The following TRIO variants were observed in gnomAD, a reference collection of about 807,000 sequenced individuals.
The protein encoded by TRIO is triple functional domain protein.
A neutral mutation model predicts 351.9 loss-of-function variants in TRIO; 58 were observed. The observed-to-expected ratio is 0.16, with a 90% CI of 0.13 to 0.21. The LOEUF (loss-of-function observed/expected upper bound fraction) is 0.21, where lower values mean the gene tolerates loss of function less well. TRIO is among the 10% of genes least tolerant of loss of function. The pLI, the probability that TRIO is intolerant of heterozygous loss-of-function variation, is 1.00. For synonymous variants in TRIO, 1,758 were observed against 1,595.7 expected (o/e 1.10, Z -2.42); for missense variants, 3,201 against 4,027.8 (o/e 0.79, Z 5.56).
chr5:14,297,963 A>G (rs1737510301), intron 7 of TRIO, among the ~76,000 whole-genome samples: 1 of 151,918 alleles, frequency 6.6e-6, no homozygotes, highest in Non-Finnish European at 1.5e-5. Context: ...CCCCCAGCAC[A>G]TTTCCCCTCG....
At chr5:14,200,953 A>G (rs1791069279) in intron 1 of TRIO, among the ~76,000 whole-genome samples, 1 of 152,142 alleles carries the variant, frequency 6.6e-6, no homozygotes, top group Non-Finnish European at 1.5e-5. Context: ...AAAAAATAAC[A>G]GTACATAAAA....
intron 42 of TRIO, 146 bp from the exon 43 acceptor site, chr5:14,479,773 A>G: frequency 1.6e-6 from 1 of 612,706 alleles, no homozygotes; most frequent in Non-Finnish European, 2.7e-6. Flanking sequence ...AAATTCTGTG[A>G]ACTAGCAAAG....
chr5:14,279,951 G>C (rs543367747), intron 2 of TRIO, among the ~76,000 whole-genome samples: 6 of 152,310 alleles, frequency 3.9e-5, no homozygotes, highest in South Asian at 2.1e-4. Context: ...GGAAAAATGT[G>C]GGGGAGACTG....
intron 46 of TRIO, 55 bp downstream of exon 46, chr5:14,482,828 G>A (rs1209824939): frequency 9.4e-6 from 13 of 1,384,882 alleles, no homozygotes; most frequent in Non-Finnish European, 9.6e-6. Flanking sequence ...CCGTCACACC[G>A]ATACACTGTT....
chr5:14,291,336 C>T lies in TRIO; in HGVS notation c.1053+108C>T, dbSNP rs183346916. ...TGGAGAATGGTAAGGCTATACTCAC[C>T]GTGTGTGCTCTAAACCAGCGAGAGT... On this transcript the variant is annotated intron_variant, in intron 5 of 56. Coordinates refer to ENST00000344204, the MANE Select transcript of TRIO (RefSeq NM_007118.4). 106 of 1,173,784 alleles carry T rather than the reference C, an allele frequency of 9.0e-5. No individual in the cohort carries two copies. In the Middle Eastern group the frequency reaches 2.0e-3, roughly 23 times the overall value. The allele number at this position is 1,173,784 out of a possible 1,614,324, so 72.7% of individuals were successfully genotyped here. A position where few individuals can be genotyped will look rare whatever the true frequency, so the allele number is the denominator to read the frequency against.
At chr5:14,152,583 G>A (rs1373472994) in intron 1 of TRIO, among the ~76,000 whole-genome samples, 1 of 152,160 alleles carries the variant, frequency 6.6e-6, no homozygotes, top group African/African-American at 2.4e-5. Context: ...TCTTGGCCAG[G>A]CTGGTCTTGA....
Position 14,363,899 on chromosome 5 carries a change from G to A in TRIO, c.2559G>A (p.Leu853=). The change falls in exon 14 of 57, where the codon CTG becomes CTA. Residue 853 remains leucine, a synonymous_variant. Transcript: ENST00000344204. Reference sequence around the variant, plus strand: ...TCATCCACCAAGGGCAAGATCTTCTGCAGTATGTCAATGAGGTCCAGGCCT... The same window carrying A: ...TCATCCACCAAGGGCAAGATCTTCTACAGTATGTCAATGAGGTCCAGGCCT... ...FDVIHQGQDL[L]QYVNEVQASG... 6.2e-7 allele frequency: 1 copy of A among 1,614,164 alleles called. No homozygotes were observed. The highest frequency in any genetic ancestry group is 8.5e-7 in the Non-Finnish European group (1 of 1,180,028).
chr5:14,417,462 G>A (rs1749740599), intron 33 of TRIO, among the ~76,000 whole-genome samples: 1 of 152,252 alleles, frequency 6.6e-6, no homozygotes, highest in Non-Finnish European at 1.5e-5. Flanking sequence ...GAGGTCCTCA[G>A]CACAAGGGGG....
chr5:14,261,593 C>G (rs561614514), intron 1 of TRIO, among the ~76,000 whole-genome samples: 2 of 152,148 alleles, frequency 1.3e-5, no homozygotes, highest in Non-Finnish European at 1.5e-5. Flanking sequence ...TTCAGTGTCA[C>G]GTTAAATTCT....
intron 1 of TRIO, among the ~76,000 whole-genome samples, chr5:14,223,404 G>C (rs1792774632): frequency 6.6e-6 from 1 of 152,174 alleles, no homozygotes; most frequent in African/African-American, 2.4e-5. Context: ...TGCACTTTGA[G>C]AGCTCCTCCA....
intron 1 of TRIO, among the ~76,000 whole-genome samples, chr5:14,248,335 T>G (rs908594345): frequency 1.3e-5 from 2 of 152,238 alleles, no homozygotes; most frequent in Non-Finnish European, 2.9e-5. Flanking sequence ...TAGCATACCC[T>G]TCTGTTCAGA....
chr5:14,265,446 A>T (rs1021547559), intron 1 of TRIO, among the ~76,000 whole-genome samples: 20 of 152,360 alleles, frequency 1.3e-4, no homozygotes, highest in Non-Finnish European at 2.4e-4. Context: ...TACTTAAAAA[A>T]TTTTAAAATT....
chr5:14,445,902 A>G (rs1269976935), intron 34 of TRIO, among the ~76,000 whole-genome samples: 1 of 152,206 alleles, frequency 6.6e-6, no homozygotes, highest in Non-Finnish European at 1.5e-5. Context: ...TTAAAAAGAA[A>G]GACAGCACAG....
intron 1 of TRIO, among the ~76,000 whole-genome samples, chr5:14,259,862 T>C (rs1449860780): frequency 1.3e-5 from 2 of 152,166 alleles, no homozygotes; most frequent in Non-Finnish European, 2.9e-5. Context: ...CAAGGCTGTC[T>C]GGCCTCTGCA....
chr5:14,435,234 A>T (rs1751487559), intron 34 of TRIO, among the ~76,000 whole-genome samples: 1 of 152,160 alleles, frequency 6.6e-6, no homozygotes, highest in Non-Finnish European at 1.5e-5. Context: ...GGAAAGAAGG[A>T]TCCTCCACGA....
At chr5:14,407,583 C>T (rs764557432) in intron 33 of TRIO, among the ~76,000 whole-genome samples, 1 of 152,210 alleles carries the variant, frequency 6.6e-6, no homozygotes, top group Non-Finnish European at 1.5e-5. Context: ...CTGAGATGCC[C>T]TCTCATAACC....
At position 14,497,006 on chromosome 5, in the gene TRIO, G is replaced by A. The variant is rs759829470; in HGVS notation, c.8008G>A (p.Val2670Ile). ...GTCACGGGAAGGACTCAGCAACAAG[G>A]TATCTGTGAAGGTGTGTTCGGGGGT... is the stretch of plus-strand genomic sequence containing the variant. ...RKSREGLSNK[V>I]SVKLLNPNYI... The change falls in exon 50 of 57, where the codon GTA becomes ATA. Residue 2670 changes from valine to isoleucine, a missense_variant. Transcript: ENST00000344204. This position sits in a 1 kb window ranked among gnomAD's most constrained non-coding sequence, Gnocchi z 4.4. 69 of 1,614,104 alleles carry A rather than the reference G, an allele frequency of 4.3e-5. No homozygotes were observed. Among genetic ancestry groups the A allele is most frequent in the Non-Finnish European group, 1.9e-5 (23 of 1,180,044 alleles).
At chr5:14,279,212 A>G (rs963370242) in intron 2 of TRIO, among the ~76,000 whole-genome samples, 7 of 152,244 alleles carry the variant, frequency 4.6e-5, no homozygotes, top group African/African-American at 1.7e-4. Context: ...AGTATTCCCA[A>G]TCAAAATGAA....
At chr5:14,181,339 A>G (rs1489986370) in intron 1 of TRIO, among the ~76,000 whole-genome samples, 1 of 152,196 alleles carries the variant, frequency 6.6e-6, no homozygotes, top group Non-Finnish European at 1.5e-5. Flanking sequence ...GTGTTTGTTG[A>G]AACTAAAATT....
Sources: allele counts gnomAD v4.1 joint callset (sites outside exome capture counted in the v4.1 genomes callset), GRCh38; gene constraint gnomAD v4.1.1; non-coding constraint Gnocchi (gnomAD v3.1); transcripts MANE v1.5; gene names NCBI Gene and HGNC (gene_info 2026-07-23, HGNC 2026-07-21).